CEP83: variants seen among roughly 807,000 people sequenced by gnomAD.
CEP83 encodes centrosomal protein of 83 kDa.
A neutral mutation model predicts 101.9 loss-of-function variants in CEP83; 70 were observed. The ratio of observed to expected loss-of-function variants is 0.69; its 90% CI spans 0.57 to 0.84. CEP83 has a LOEUF of 0.84. Among genes scored for constraint, CEP83 ranks in the 40% least tolerant of loss-of-function variants. The pLI, the probability that CEP83 is intolerant of heterozygous loss-of-function variation, is 0.00. For missense variants in CEP83, 715 were observed against 787.2 expected, an observed-to-expected ratio of 0.91 and a Z score of 1.10; for synonymous variants, 264 against 267.9, an observed-to-expected ratio of 0.99 and a Z score of 0.14.
chr12:94,443,503 A>AT (rs2066573709), intron 1 of CEP83, among the ~76,000 whole-genome samples: 1 of 151,774 alleles, frequency 6.6e-6, no homozygotes, highest in Admixed American at 6.6e-5. Context: ...ATAAACATAT[A>AT]TTTTTTTGAG....
chr12:94,302,432 A>G (rs932676519), downstream of CEP83, among the ~76,000 whole-genome samples: 1 of 152,224 alleles, frequency 6.6e-6, no homozygotes, highest in Admixed American at 6.5e-5. Flanking sequence ...GGAGACTCAG[A>G]TCAGTCTACA....
chr12:94,442,489 C>A (rs984077758), intron 1 of CEP83, among the ~76,000 whole-genome samples: 8 of 151,880 alleles, frequency 5.3e-5, no homozygotes, highest in Non-Finnish European at 1.0e-4. Context: ...TAACCAAACA[C>A]CACCTGTTCC....
chr12:94,450,218 G>C (rs952072696), intron 1 of CEP83, among the ~76,000 whole-genome samples: 14 of 152,164 alleles, frequency 9.2e-5, no homozygotes, highest in African/African-American at 3.1e-4. Flanking sequence ...ATCGTTTTGA[G>C]ACATGATCAT....
intron 2 of CEP83, among the ~76,000 whole-genome samples, chr12:94,420,605 T>TCA (rs2064656648): frequency 1.3e-5 from 2 of 152,178 alleles, no homozygotes; most frequent in Non-Finnish European, 2.9e-5. Flanking sequence ...GTTTTTTAGT[T>TCA]CATCAGCTTT....
rs372590885 is a variant in CEP83, at chr12:94,459,807, GGGCGGCGGC to G, written c.-414_-406del. 6.5e-6 allele frequency: 1 copy of G among 153,918 alleles called. No homozygotes were observed. Among genetic ancestry groups the G allele is most frequent in the South Asian group, 1.9e-4 (1 of 5,266 alleles). The allele number at this position is 153,918 out of a possible 1,614,324, so 9.5% of individuals were successfully genotyped here. On this transcript the variant is annotated 5_prime_UTR_variant, in exon 1 of 17. Transcript: ENST00000397809. ...GTGAAGTATCCCGGGAGAGGTCCGAGGGCGGCGGCGGCGGCGGTGAAAAGCCCCACTCCT... is the reference window on the plus strand; with the variant it reads ...GTGAAGTATCCCGGGAGAGGTCCGAGGGCGGCGGTGAAAAGCCCCACTCCT...
chr12:94,290,118 A>T, the CEP83 span, among the ~76,000 whole-genome samples: 1 of 152,246 alleles, frequency 6.6e-6, no homozygotes, highest in South Asian at 2.1e-4. Context: ...GTAGTGAAGT[A>T]CTGGCTCAAC....
At chr12:94,346,952 C>T (rs757550383) in intron 11 of CEP83, among the ~76,000 whole-genome samples, 24 of 151,814 alleles carry the variant, frequency 1.6e-4, no homozygotes, top group African/African-American at 4.6e-4. Flanking sequence ...GTGGGAGGAT[C>T]GCTTGAGCCC....
downstream of CEP83, chr12:94,304,319 T>A (rs17243215): frequency 3.0e-6 from 1 of 332,022 alleles, no homozygotes; most frequent in Admixed American, 4.5e-5. Context: ...TCAAGTTAAC[T>A]TTGATGAGTA....
intron 2 of CEP83, among the ~76,000 whole-genome samples, chr12:94,418,807 G>A (rs895225862): frequency 2.6e-5 from 4 of 152,060 alleles, no homozygotes; most frequent in Non-Finnish European, 4.4e-5. Context: ...TTAATGTTAT[G>A]CTATATTAAT....
At chr12:94,273,305 G>A in the CEP83 span, among the ~76,000 whole-genome samples, 1 of 152,136 alleles carries the variant, frequency 6.6e-6, no homozygotes, top group Non-Finnish European at 1.5e-5. Flanking sequence ...AGGCAGGCCT[G>A]GGCTACAAGT....
At chr12:94,418,250 A>G (rs1593888364) in intron 2 of CEP83, among the ~76,000 whole-genome samples, 1 of 152,136 alleles carries the variant, frequency 6.6e-6, no homozygotes, top group East Asian at 1.9e-4. Flanking sequence ...TAGTCCAGCT[A>G]CTCAGGAGGC....
At position 94,396,346 on chromosome 12, in the gene CEP83, T is replaced by G. The variant is rs2062894836; in HGVS notation, c.549+4504A>C. On this transcript the variant is annotated intron_variant, in intron 6 of 16. Coordinates refer to ENST00000397809, the MANE Select transcript of CEP83 (RefSeq NM_016122.3). ...TTCTGTCACCCAGGCTGGAGTGCGGTGGCACAATCTTGGCTCACTGCAACC... is the reference window on the plus strand; with the variant it reads ...TTCTGTCACCCAGGCTGGAGTGCGGGGGCACAATCTTGGCTCACTGCAACC... Among the ~76,000 whole-genome samples, 3 of 136,114 alleles carry G rather than the reference T, an allele frequency of 2.2e-5. No individual in the cohort carries two copies. In the South Asian group the frequency reaches 7.2e-4, roughly 33 times the overall value. The allele number at this position is 136,114 out of a possible 152,430, so 89.3% of individuals were successfully genotyped here. A position where few individuals can be genotyped will look rare whatever the true frequency, so the allele number is the denominator to read the frequency against.
intron 11 of CEP83, among the ~76,000 whole-genome samples, chr12:94,340,184 G>A (rs181499528): frequency 6.6e-6 from 1 of 152,324 alleles, no homozygotes; most frequent in African/African-American, 2.4e-5. Context: ...TTTAAGCCAT[G>A]CAAAAAATAA....
At chr12:94,406,674 C>A (rs575821393) in intron 4 of CEP83, among the ~76,000 whole-genome samples, 2 of 152,192 alleles carry the variant, frequency 1.3e-5, no homozygotes, top group Non-Finnish European at 2.9e-5. Flanking sequence ...GTAATCCCAG[C>A]ACTTTGGGAG....
intron 8 of CEP83, among the ~76,000 whole-genome samples, chr12:94,374,597 CTA>C (rs888130267): frequency 1.1e-4 from 16 of 152,128 alleles, no homozygotes; most frequent in Admixed American, 9.2e-4. Context: ...AAATTATTTC[CTA>C]GTAGTTCTTA....
downstream of CEP83, chr12:94,303,631 A>C: frequency 1.3e-6 from 1 of 744,084 alleles, no homozygotes; most frequent in East Asian, 2.9e-5. Context: ...CCTTGTTAGC[A>C]AGAGGTAAAA....
At chr12:94,343,645 G>A (rs1005267300) in intron 11 of CEP83, among the ~76,000 whole-genome samples, 9 of 149,782 alleles carry the variant, frequency 6.0e-5, no homozygotes, top group South Asian at 2.1e-4. Context: ...GCCCGCCACC[G>A]CGCCCGGCTA....
At chr12:94,386,887 A>G (rs2062179673) in intron 6 of CEP83, among the ~76,000 whole-genome samples, 1 of 152,150 alleles carries the variant, frequency 6.6e-6, no homozygotes, top group Non-Finnish European at 1.5e-5. Flanking sequence ...AAGTATATAT[A>G]AAGATACTGG....
downstream of CEP83, among the ~76,000 whole-genome samples, chr12:94,305,018 A>T (rs1304827910): frequency 6.6e-6 from 1 of 152,252 alleles, no homozygotes; most frequent in Non-Finnish European, 1.5e-5. Context: ...TCCTGTGATA[A>T]GGACTTAGCA....
Sources: allele counts gnomAD v4.1 joint callset (sites outside exome capture counted in the v4.1 genomes callset), GRCh38; gene constraint gnomAD v4.1.1; transcripts MANE v1.5; gene names NCBI Gene and HGNC (gene_info 2026-07-23, HGNC 2026-07-21).